The following SMPDL3B variants were observed in gnomAD, a reference collection of about 807,000 sequenced individuals.
SMPDL3B encodes the protein acid sphingomyelinase-like phosphodiesterase 3b.
A neutral mutation model predicts 37.9 loss-of-function variants in SMPDL3B; 31 were observed. The ratio of observed to expected loss-of-function variants is 0.82; its 90% confidence interval spans 0.61 to 1.10. The LOEUF (loss-of-function observed/expected upper bound fraction) is 1.10, where lower values mean the gene tolerates loss of function less well. Among genes scored for constraint, SMPDL3B ranks in the 50% least tolerant of loss-of-function variants. The probability of loss-of-function intolerance (pLI) is 0.00; values close to 1 mark genes in which losing one functional copy is unlikely to be tolerated. For missense variants in SMPDL3B, 525 were observed against 597.8 expected, an observed-to-expected ratio of 0.88 and a Z score of 1.27; for synonymous variants, 235 against 242.6, an observed-to-expected ratio of 0.97 and a Z score of 0.29.
rs908963029 is a variant in SMPDL3B at position 27,958,982 on chromosome 1, C to G, written c.*144C>G. 2.2e-5 allele frequency: 22 copies of G among 1,018,416 alleles called. No homozygotes were observed. The highest frequency in any genetic ancestry group is 3.2e-4 in the Middle Eastern group (1 of 3,122). The allele number at this position is 1,018,416 out of a possible 1,614,324, so 63.1% of individuals were successfully genotyped here. A position where few individuals can be genotyped will look rare whatever the true frequency, so the allele number is the denominator to read the frequency against. On this transcript the variant is annotated 3_prime_UTR_variant, in exon 8 of 8. Coordinates refer to ENST00000373894, the MANE Select transcript of SMPDL3B (RefSeq NM_014474.4). This position sits in a 1 kb window ranked among gnomAD's most constrained non-coding sequence, Gnocchi z 5.6. The stretch of plus-strand genomic sequence containing the variant: ...GAATCAGGAAGCGAAGCCCCAGGAG[C>G]TGCAGCCATCCGTGATCGCGCCACT...
At chr1:27,955,387 C>T (rs1415949497) in intron 5 of SMPDL3B, among the ~76,000 whole-genome samples, 1 of 152,182 alleles carries the variant, frequency 6.6e-6, no homozygotes, top group African/African-American at 2.4e-5. Context: ...GAAGAGTAGT[C>T]TTTGAAGGAT....
In SMPDL3B at chr1:27,943,177, T is replaced by C. The variant is rs578137094; in HGVS notation, c.62-2055T>C. Among the ~76,000 whole-genome samples, 7 of 152,334 alleles carry C rather than the reference T, an allele frequency of 4.6e-5. 1 individual carries two copies. The South Asian group carries it at 1.4e-3, about 32-fold the overall frequency. On this transcript the variant is annotated intron_variant, in intron 1 of 7. Coordinates refer to ENST00000373894, the MANE Select transcript of SMPDL3B (RefSeq NM_014474.4). ...GCCCAGAGATCCCCATCATTTACCATGTGATCTTAGGCATGTTGACCTCCA... is the reference window on the plus strand; with the variant it reads ...GCCCAGAGATCCCCATCATTTACCACGTGATCTTAGGCATGTTGACCTCCA...
chr1:27,950,347 T>A (rs2090445812), intron 3 of SMPDL3B, among the ~76,000 whole-genome samples: 1 of 152,204 alleles, frequency 6.6e-6, no homozygotes, highest in Non-Finnish European at 1.5e-5. Flanking sequence ...TCCGAGCTAG[T>A]CGGTTCCGAG....
chr1:27,958,588 A>C lies in SMPDL3B; in HGVS notation c.1118A>C (p.His373Pro). ...EAYGVPDASA[H>P]SMHTVLDRIA... ...TATGGGGTGCCGGACGCCAGCGCCC[A>C]CTCCATGCACACAGTGCTGGACCGC... is the stretch of plus-strand genomic sequence containing the variant. The change falls in exon 8 of 8, where the codon CAC becomes CCC. Residue 373 changes from histidine (H) to proline (P), a missense_variant. Physicochemically the swap from His to Pro is moderately conservative, Grantham distance 77. Coordinates refer to ENST00000373894, the MANE Select transcript of SMPDL3B (RefSeq NM_014474.4). This position sits in a 1 kb window ranked among gnomAD's most constrained non-coding sequence, Gnocchi z 5.6. 1 of 1,613,846 alleles carries C rather than the reference A, an allele frequency of 6.2e-7. No individual in the cohort carries two copies. Among genetic ancestry groups the C allele is most frequent in the Non-Finnish European group, 8.5e-7 (1 of 1,179,960 alleles).
Position 27,956,848 on chromosome 1 carries a change from TTAGA to T in SMPDL3B, c.1005+770_1005+773del, listed in dbSNP as rs367967615. 5.3e-3 allele frequency among the ~76,000 whole-genome samples: 799 copies of T among 151,930 alleles called. 4 individuals are homozygous for T. The highest frequency in any genetic ancestry group is 7.4e-3 in the Non-Finnish European group (500 of 67,950). ...ACAGCTATGGGAGGTGTGTACTGTGTTAGATAGGTGGGAAGGGGAAGTGTCCACA... is the reference window on the plus strand; with the variant it reads ...ACAGCTATGGGAGGTGTGTACTGTGTTAGGTGGGAAGGGGAAGTGTCCACA... On this transcript the variant is annotated intron_variant, in intron 7 of 7. Coordinates refer to ENST00000373894, the MANE Select transcript of SMPDL3B (RefSeq NM_014474.4).
At chr1:27,954,322 G>T (rs907003356) in intron 4 of SMPDL3B, 32 bp from the exon 5 acceptor site, 1 of 1,593,100 alleles carries the variant, frequency 6.3e-7, no homozygotes, top group Admixed American at 1.7e-5. Flanking sequence ...CAGAGGTGGG[G>T]GCCTCCTTCA....
intron 1 of SMPDL3B, among the ~76,000 whole-genome samples, chr1:27,943,178 G>T (rs2090375046): frequency 6.6e-6 from 1 of 152,196 alleles, no homozygotes; most frequent in African/African-American, 2.4e-5. Context: ...CATTTACCAT[G>T]TGATCTTAGG....
At chr1:27,935,458 G>A (rs1289776471) in intron 1 of SMPDL3B, among the ~76,000 whole-genome samples, 4 of 152,154 alleles carry the variant, frequency 2.6e-5, no homozygotes, top group Admixed American at 6.5e-5. Context: ...GAGGGACACC[G>A]ACATTGCGAA....
intron 2 of SMPDL3B, among the ~76,000 whole-genome samples, chr1:27,947,396 A>G (rs907151257): frequency 6.6e-6 from 1 of 151,950 alleles, no homozygotes; most frequent in African/African-American, 2.4e-5. Context: ...ACAGCATCAG[A>G]TGAGAAGATC....
intron 5 of SMPDL3B, among the ~76,000 whole-genome samples, chr1:27,955,340 A>T (rs1259585207): frequency 6.6e-6 from 1 of 152,232 alleles, no homozygotes; most frequent in Non-Finnish European, 1.5e-5. Flanking sequence ...ACAACCACGC[A>T]AGAATGGTTT....
In SMPDL3B at chr1:27,958,847, G is replaced by A. The variant is rs1210383421; in HGVS notation, c.*9G>A. ...GCACGCTCGTGCTGTGACCTGCCAG[G>A]CTCACCTTCTTCCTGGTAACGGGTA... On this transcript the variant is annotated 3_prime_UTR_variant, in exon 8 of 8. Transcript: ENST00000373894. This position sits in a 1 kb window ranked among gnomAD's most constrained non-coding sequence, Gnocchi z 5.6. 1.3e-6 allele frequency: 2 copies of A among 1,566,890 alleles called. No individual in the cohort carries two copies. Among genetic ancestry groups the A allele is most frequent in the South Asian group, 2.3e-5 (2 of 87,654 alleles).
At chr1:27,956,343 G>T in intron 7 of SMPDL3B, 1 of 1,380,932 alleles carries the variant, frequency 7.2e-7, no homozygotes, top group Admixed American at 2.6e-5. Flanking sequence ...GCCCTGCCCT[G>T]CTATGGCCCA....
intron 7 of SMPDL3B, chr1:27,956,576 C>T (rs767000137): frequency 6.4e-6 from 5 of 776,992 alleles, no homozygotes; most frequent in Non-Finnish European, 7.9e-6. Flanking sequence ...AGTCCCTCAC[C>T]TCGTAGGATG....
intron 7 of SMPDL3B, among the ~76,000 whole-genome samples, chr1:27,956,982 G>C (rs553744208): frequency 6.6e-6 from 1 of 152,114 alleles, no homozygotes; most frequent in Non-Finnish European, 1.5e-5. Flanking sequence ...GGGAATGTGC[G>C]TGGTAGGTTA....
chr1:27,950,918 C>T (rs1353240550), intron 3 of SMPDL3B, among the ~76,000 whole-genome samples: 1 of 152,234 alleles, frequency 6.6e-6, no homozygotes, highest in African/African-American at 2.4e-5. Flanking sequence ...GCGTGAGCCA[C>T]TGCGCCTGGC....
At chr1:27,953,445 A>G in intron 4 of SMPDL3B, 87 bp downstream of exon 4, 1 of 1,214,004 alleles carries the variant, frequency 8.2e-7, no homozygotes, top group Non-Finnish European at 1.1e-6. Flanking sequence ...TAGAATAAGT[A>G]CTGATTTTAT....
At chr1:27,951,726 A>T (rs2090456953) in intron 3 of SMPDL3B, among the ~76,000 whole-genome samples, 1 of 152,188 alleles carries the variant, frequency 6.6e-6, no homozygotes, top group African/African-American at 2.4e-5. Context: ...CTGTGTATCT[A>T]TACTCTTAGC....
At chr1:27,940,746 GT>G (rs758706523) in intron 1 of SMPDL3B, among the ~76,000 whole-genome samples, 12 of 152,188 alleles carry the variant, frequency 7.9e-5, no homozygotes, top group Non-Finnish European at 1.6e-4. Flanking sequence ...GGTCCAAGCA[GT>G]GCGAATGTAG....
rs762789629 is a variant in SMPDL3B, at chr1:27,954,517, T to C, written c.681T>C (p.Ala227=). The C allele has an allele frequency of 1.2e-6, 2 of 1,613,758 alleles. No individual in the cohort carries two copies. Among genetic ancestry groups the C allele is most frequent in the Non-Finnish European group, 1.7e-6 (2 of 1,179,914 alleles). ...ATGTGCTGACCGATGCATCCAAAGC[T>C]GGGGACATGGTAAGAGGCCCTGCTT... ...LEDVLTDASK[A]GDMVYIVGHV... The change falls in exon 5 of 8, where the codon GCT becomes GCC. Residue 227 remains alanine (A), a synonymous_variant. Coordinates refer to ENST00000373894, the MANE Select transcript of SMPDL3B (RefSeq NM_014474.4).
Sources: allele counts gnomAD v4.1 joint callset (sites outside exome capture counted in the v4.1 genomes callset), GRCh38; gene constraint gnomAD v4.1.1; non-coding constraint Gnocchi (gnomAD v3.1); transcripts MANE v1.5; gene names NCBI Gene and HGNC (gene_info 2026-07-23, HGNC 2026-07-21).